The following CDH13 variants were observed in gnomAD, a reference collection of about 807,000 sequenced individuals.
The protein encoded by CDH13 is cadherin-13.
In CDH13, 24 loss-of-function variants were observed where a neutral mutation model predicts 63.8. That is an observed-to-expected ratio of 0.38 (90% confidence interval 0.27 to 0.53). CDH13 has a LOEUF of 0.53. CDH13 is among the 20% of genes least tolerant of loss of function. The pLI is 0.85. For missense variants in CDH13, 1,049 were observed against 903.1 expected, an observed-to-expected ratio of 1.16 and a Z score of -2.07; for synonymous variants, 503 against 355.3, an observed-to-expected ratio of 1.42 and a Z score of -4.67.
chr16:82,968,408 A>G (rs1229027558), intron 2 of CDH13, among the ~76,000 whole-genome samples: 4 of 152,332 alleles, frequency 2.6e-5, no homozygotes, highest in South Asian at 2.1e-4. Context: ...AACTCTTGAA[A>G]TAAGAATTTT....
chr16:83,384,221 C>A (rs2091627535), intron 6 of CDH13, among the ~76,000 whole-genome samples: 1 of 152,042 alleles, frequency 6.6e-6, no homozygotes, highest in Non-Finnish European at 1.5e-5. Flanking sequence ...TATTATTATT[C>A]TCAATATATC....
intron 2 of CDH13, among the ~76,000 whole-genome samples, chr16:82,977,830 A>G (rs576271144): frequency 6.6e-6 from 1 of 152,282 alleles, no homozygotes; most frequent in Admixed American, 6.5e-5. Context: ...AGACAGGAAA[A>G]TGTGGGCAAT....
intron 4 of CDH13, among the ~76,000 whole-genome samples, chr16:83,165,973 G>A (rs1350846822): frequency 6.6e-6 from 1 of 152,096 alleles, no homozygotes; most frequent in Non-Finnish European, 1.5e-5. Flanking sequence ...AGGCAAAAGA[G>A]TAGTTAGCTC....
chr16:83,058,813 G>T (rs547263181), intron 3 of CDH13, among the ~76,000 whole-genome samples: 1 of 152,162 alleles, frequency 6.6e-6, no homozygotes, highest in Non-Finnish European at 1.5e-5. Flanking sequence ...GCTGACACAC[G>T]CTGACCTCAC....
At chr16:82,732,550 T>G (rs2033457935) in intron 1 of CDH13, among the ~76,000 whole-genome samples, 1 of 152,190 alleles carries the variant, frequency 6.6e-6, no homozygotes, top group Non-Finnish European at 1.5e-5. Context: ...GGAAGATGAA[T>G]GGAATGGAAT....
intron 1 of CDH13, among the ~76,000 whole-genome samples, chr16:82,659,993 G>C (rs1911749481): frequency 6.6e-6 from 1 of 152,210 alleles, no homozygotes; most frequent in Admixed American, 6.5e-5. Context: ...GAATACTTAA[G>C]AAGTTGAGGC....
In CDH13 at chr16:83,796,149, T is replaced by C. The variant is rs916294145; in HGVS notation, c.*1119T>C. On this transcript the variant is annotated 3_prime_UTR_variant, in exon 14 of 14. Coordinates refer to ENST00000567109, the MANE Select transcript of CDH13 (RefSeq NM_001257.5). Reference sequence around the variant, plus strand: ...AAAGACGTTCATTATGTATGAAAAGTAACTGATTTGTATTCTGTGAGCATG... The same window carrying C: ...AAAGACGTTCATTATGTATGAAAAGCAACTGATTTGTATTCTGTGAGCATG... The C allele has an allele frequency of 1.2e-4, 18 of 152,742 alleles. No individual in the cohort carries two copies. Among genetic ancestry groups the C allele is most frequent in the African/African-American group, 4.3e-4 (18 of 41,590 alleles). 9.5% of individuals were successfully genotyped at this position (152,742 alleles called of 1,614,324 possible).
rs558858627 is a variant in CDH13, at chr16:83,775,722, A to G, written c.1682-4246A>G. Among the ~76,000 whole-genome samples the G allele has an allele frequency of 9.0e-4, 137 of 151,812 alleles. 1 individual carries two copies. In the Middle Eastern group the frequency reaches 0.02, roughly 23 times the overall value. On this transcript the variant is annotated intron_variant, in intron 11 of 13. Transcript: ENST00000567109. ...CAGAGCGAGACGCTCTGTCTCAAAA[A>G]TAAAAAAAAAGAAAAAAGAAAGAAG...
At chr16:83,265,398 C>CT (rs1468097688) in intron 5 of CDH13, among the ~76,000 whole-genome samples, 3 of 152,266 alleles carry the variant, frequency 2.0e-5, no homozygotes, top group African/African-American at 7.2e-5. Flanking sequence ...ATATAGAACT[C>CT]TAAGTTGAAT....
chr16:82,798,352 C>T lies in CDH13; in HGVS notation c.46-60010C>T, dbSNP rs113585955. Reference sequence around the variant, plus strand: ...TGATTTCAGAGCTCTTTCCACACTACCTAAAATATTCATGCACCAGATGAA... The same window carrying T: ...TGATTTCAGAGCTCTTTCCACACTATCTAAAATATTCATGCACCAGATGAA... On this transcript the variant is annotated intron_variant, in intron 1 of 13. Transcript: ENST00000567109. 3.9e-5 allele frequency among the ~76,000 whole-genome samples: 6 copies of T among 152,300 alleles called. 1 individual carries two copies. Among genetic ancestry groups the T allele is most frequent in the African/African-American group, 1.4e-4 (6 of 41,568 alleles).
rs536904885 is a variant in CDH13, at chr16:82,635,831, T to C, written c.45+8694T>C. 6.6e-5 allele frequency among the ~76,000 whole-genome samples: 10 copies of C among 152,292 alleles called. No homozygotes were observed. The South Asian group carries it at 1.4e-3, about 22-fold the overall frequency. On this transcript the variant is annotated intron_variant, in intron 1 of 13. Transcript: ENST00000567109. ...GATCAGAGGGCGGATTTCTCCTTGC[T>C]TTAATCGTGATAGTGAGTTCTCACA...
intron 6 of CDH13, among the ~76,000 whole-genome samples, chr16:83,421,444 A>G (rs80010915): frequency 2.1e-4 from 32 of 152,330 alleles, no homozygotes; most frequent in Middle Eastern, 3.4e-3. Flanking sequence ...CCAATTAATT[A>G]TCCTCTGCAT....
At chr16:83,212,567 G>C (rs2039370702) in intron 4 of CDH13, among the ~76,000 whole-genome samples, 1 of 152,182 alleles carries the variant, frequency 6.6e-6, no homozygotes, top group African/African-American at 2.4e-5. Context: ...AAGACTTCCT[G>C]TTAGTGTTAT....
intron 3 of CDH13, among the ~76,000 whole-genome samples, chr16:83,122,959 C>G (rs1307626419): frequency 2.0e-5 from 3 of 152,122 alleles, no homozygotes; most frequent in African/African-American, 4.8e-5. Flanking sequence ...TCCCCACTGT[C>G]TCTTATTCCA....
intron 1 of CDH13, among the ~76,000 whole-genome samples, chr16:82,662,632 G>C (rs1912091803): frequency 6.6e-6 from 1 of 152,194 alleles, no homozygotes; most frequent in Non-Finnish European, 1.5e-5. Flanking sequence ...CCTGAATGTT[G>C]TTGTAGGACA....
intron 8 of CDH13, among the ~76,000 whole-genome samples, chr16:83,618,962 GA>G (rs1451408491): frequency 6.6e-6 from 1 of 152,192 alleles, no homozygotes; most frequent in African/African-American, 2.4e-5. Context: ...TTCAGTTACA[GA>G]CTGAGTATCA....
intron 6 of CDH13, among the ~76,000 whole-genome samples, chr16:83,391,641 G>A (rs1364262919): frequency 4.6e-5 from 7 of 152,220 alleles, no homozygotes; most frequent in Middle Eastern, 3.4e-3. Flanking sequence ...AAGTGGTCCC[G>A]CCAGAGTATC....
intron 7 of CDH13, among the ~76,000 whole-genome samples, chr16:83,549,390 T>C (rs1348838750): frequency 1.3e-5 from 2 of 152,104 alleles, no homozygotes; most frequent in Admixed American, 1.3e-4. Context: ...CACATCAGCG[T>C]TTTGAACAAA....
At chr16:83,495,096 G>C (rs146908049) in intron 7 of CDH13, among the ~76,000 whole-genome samples, 1 of 152,244 alleles carries the variant, frequency 6.6e-6, no homozygotes, top group African/African-American at 2.4e-5. Context: ...AATTTGAAGA[G>C]ATTTATTACT....
Sources: gnomAD v4.1 joint callset for allele counts (sites outside exome capture counted in the v4.1 genomes callset) on GRCh38, gnomAD v4.1.1 for gene constraint, MANE v1.5 for transcripts, NCBI Gene and HGNC (gene_info 2026-07-23, HGNC 2026-07-21) for gene names.